The following FERMT2 variants were observed in gnomAD, a reference collection of about 807,000 sequenced individuals.
FERMT2 encodes the protein fermitin family homolog 2.
Under a neutral mutation model 82.7 loss-of-function variants are expected in FERMT2, and 15 were observed. The observed-to-expected ratio is 0.18, with a 90% CI of 0.12 to 0.28. The LOEUF is 0.28. FERMT2 is among the 10% of genes least tolerant of loss of function. The probability of loss-of-function intolerance (pLI) is 1.00; values close to 1 mark genes in which losing one functional copy is unlikely to be tolerated. For synonymous variants in FERMT2, 274 were observed against 271.5 expected, an observed-to-expected ratio of 1.01 and a Z score of -0.09; for missense variants, 645 against 809.4, an observed-to-expected ratio of 0.80 and a Z score of 2.46.
At chr14:52,949,378 T>TAA (rs1161313730) in intron 2 of FERMT2, among the ~76,000 whole-genome samples, 15 of 118,214 alleles carry the variant, frequency 1.3e-4, no homozygotes, top group African/African-American at 1.8e-4. Context: ...ATGCTGTGTT[T>TAA]AAAAAAAAAA....
chr14:52,859,764 G>T, intron 13 of FERMT2, 50 bp from the exon 14 acceptor site: 1 of 1,147,986 alleles, frequency 8.7e-7, no homozygotes, highest in Non-Finnish European at 1.2e-6. Flanking sequence ...GGGGGAACAT[G>T]TTGGACTGCT....
At chr14:52,949,880 T>A (rs142900477) in intron 2 of FERMT2, among the ~76,000 whole-genome samples, 1 of 151,816 alleles carries the variant, frequency 6.6e-6, no homozygotes, top group African/African-American at 2.4e-5. Context: ...CTAGTAAGAG[T>A]GGATGACTGG....
chr14:52,860,639 G>T, intron 12 of FERMT2, 174 bp from the exon 13 acceptor site: 1 of 610,670 alleles, frequency 1.6e-6, no homozygotes, highest in East Asian at 3.0e-5. Flanking sequence ...AATGTATAAG[G>T]ATTTTTCAAA....
rs543283482 is a variant in FERMT2, at chr14:52,943,452, G to A, written c.157+6960C>T. Among the ~76,000 whole-genome samples, 6 of 152,082 alleles carry A rather than the reference G, an allele frequency of 3.9e-5. No individual in the cohort carries two copies. In the South Asian group the frequency reaches 1.0e-3, roughly 26 times the overall value. On this transcript the variant is annotated intron_variant, in intron 2 of 14. Transcript: ENST00000341590. ...TTCTGTATATCAAAGGAGATTAAGA[G>A]GCCCTTTCAACTAAATGCGAAATGA...
In FERMT2 at chr14:52,857,538, G is replaced by A. The variant is rs570947682; in HGVS notation, c.*839C>T. 2.6e-5 allele frequency: 4 copies of A among 152,698 alleles called. No homozygotes were observed. The highest frequency in any genetic ancestry group is 4.1e-4 in the South Asian group (2 of 4,824). The allele number at this position is 152,698 out of a possible 1,614,324, so 9.5% of individuals were successfully genotyped here. A position where few individuals can be genotyped will look rare whatever the true frequency, so the allele number is the denominator to read the frequency against. On this transcript the variant is annotated 3_prime_UTR_variant, in exon 15 of 15. Coordinates refer to ENST00000341590, the MANE Select transcript of FERMT2 (RefSeq NM_006832.3). ...AATTTAGTAGATATTAAAACTGCAC[G>A]TTAATTATATCTCTTAAAGGCATTT...
At chr14:52,858,789 G>A in intron 14 of FERMT2, 1 of 428,016 alleles carries the variant, frequency 2.3e-6, no homozygotes, top group Non-Finnish European at 4.2e-6. Flanking sequence ...AGGAATGCAA[G>A]GGTTTTAGGT....
intron 4 of FERMT2, among the ~76,000 whole-genome samples, chr14:52,891,138 G>A (rs1448941843): frequency 9.9e-5 from 15 of 152,092 alleles, no homozygotes; most frequent in Admixed American, 5.9e-4. Context: ...GAAGGAGCTC[G>A]GAGGTCTCTT....
chr14:52,887,584 T>C (rs1306415195), intron 4 of FERMT2, among the ~76,000 whole-genome samples: 3 of 151,870 alleles, frequency 2.0e-5, no homozygotes, highest in Admixed American at 6.6e-5. Context: ...ATCTAGCACT[T>C]TGGGAGGCTG....
chr14:52,881,804 G>A (rs1886315344), intron 4 of FERMT2: 4 of 1,304,400 alleles, frequency 3.1e-6, no homozygotes, highest in South Asian at 1.2e-5. Context: ...ACCTTTCAGA[G>A]GGCCAATGTA....
intron 4 of FERMT2, chr14:52,881,688 G>C: frequency 2.9e-6 from 3 of 1,045,662 alleles, no homozygotes; most frequent in Non-Finnish European, 4.0e-6. Flanking sequence ...TAATTAAGTT[G>C]GCAGAAATTC....
intron 2 of FERMT2, among the ~76,000 whole-genome samples, chr14:52,922,023 T>C (rs558568679): frequency 6.6e-6 from 1 of 152,278 alleles, no homozygotes; most frequent in East Asian, 1.9e-4. Context: ...CACATGTCAC[T>C]TGGGTTCCTC....
At position 52,864,431 on chromosome 14, in the gene FERMT2, G is replaced by T. The variant is rs1388162308; in HGVS notation, c.1572C>A (p.Pro524=). 1.9e-6 allele frequency: 3 copies of T among 1,613,738 alleles called. No homozygotes were observed. Among genetic ancestry groups the T allele is most frequent in the East Asian group, 2.2e-5 (1 of 44,882 alleles). ...TGTTCTTATACTTTTTTAGATAGCG[G>T]GGAGACACCAAACATTCAGGAGTTA... The part of the protein sequence containing the change: ...TDITPECLVS[P]RYLKKYKNKQ... Residue 524 remains proline (P), a synonymous_variant, in exon 12 of 15, where the codon CCC becomes CCA. Transcript: ENST00000341590.
intron 3 of FERMT2, among the ~76,000 whole-genome samples, chr14:52,916,134 AG>A (rs1394385352): frequency 6.6e-6 from 1 of 152,130 alleles, no homozygotes; most frequent in Non-Finnish European, 1.5e-5. Flanking sequence ...GCCTGAGGTC[AG>A]GAGTTCGAGA....
Position 52,872,939 on chromosome 14 carries a change from A to G in FERMT2, c.1149-16T>C, listed in dbSNP as rs1448429625. On this transcript the variant is annotated splice_polypyrimidine_tract_variant and intron_variant, in intron 9 of 14. Coordinates refer to ENST00000341590, the MANE Select transcript of FERMT2 (RefSeq NM_006832.3). ...CTTTTTTGGCCTATGTATCAAAGAG[A>G]ATTAACAACAAAATCACTTGGAAGT... 1.9e-6 allele frequency: 3 copies of G among 1,609,500 alleles called. No homozygotes were observed. The highest frequency in any genetic ancestry group is 2.5e-6 in the Non-Finnish European group (3 of 1,177,778).
chr14:52,880,465 C>T (rs1886223120), intron 6 of FERMT2, among the ~76,000 whole-genome samples: 1 of 152,148 alleles, frequency 6.6e-6, no homozygotes, highest in African/African-American at 2.4e-5. Flanking sequence ...GTGGCATGAT[C>T]TCGGCTCACT....
rs760328302 is a variant in FERMT2, at chr14:52,904,226, C to CA, written c.392-10800dup. 1.4e-3 allele frequency among the ~76,000 whole-genome samples: 217 copies of CA among 151,460 alleles called. 1 individual carries two copies. The highest frequency in any genetic ancestry group is 3.2e-3 in the Admixed American group (48 of 15,218). On this transcript the variant is annotated intron_variant, in intron 3 of 14. Transcript: ENST00000341590. ...TGAAACCTCATCTCTACTAAAAATA[C>CA]AAAAAGTAAGCTGGGCGCAGTGGCT...
chr14:52,942,907 A>G (rs1890159572), intron 2 of FERMT2, among the ~76,000 whole-genome samples: 1 of 152,158 alleles, frequency 6.6e-6, no homozygotes, highest in African/African-American at 2.4e-5. Context: ...TATGTGAAAA[A>G]GAACCTATAA....
intron 2 of FERMT2, among the ~76,000 whole-genome samples, chr14:52,922,409 T>C (rs1444276252): frequency 6.6e-6 from 1 of 150,938 alleles, no homozygotes; most frequent in African/African-American, 2.4e-5. Flanking sequence ...CCACCAGGAG[T>C]GCAGGTGAAC....
intron 7 of FERMT2, 50 bp downstream of exon 7, chr14:52,878,532 C>T (rs1886103249): frequency 8.9e-7 from 1 of 1,118,318 alleles, no homozygotes; most frequent in Non-Finnish European, 1.3e-6. Flanking sequence ...TTAAAAATAC[C>T]TCCCTACCCT....
Sources: allele counts gnomAD v4.1 joint callset (sites outside exome capture counted in the v4.1 genomes callset), GRCh38; gene constraint gnomAD v4.1.1; transcripts MANE v1.5; gene names NCBI Gene and HGNC (gene_info 2026-07-23, HGNC 2026-07-21).